Variants in RBFOX1 observed in about 807,000 individuals in gnomAD.
RBFOX1 encodes RNA binding protein fox-1 homolog 1.
In RBFOX1, 8 loss-of-function variants were observed where a neutral mutation model predicts 57.7. That is an observed-to-expected ratio of 0.14 (90% CI 0.08 to 0.25). The LOEUF (loss-of-function observed/expected upper bound fraction) is 0.25, where lower values mean the gene tolerates loss of function less well. Among genes scored for constraint, RBFOX1 ranks in the 10% least tolerant of loss-of-function variants. The pLI, the probability that RBFOX1 is intolerant of heterozygous loss-of-function variation, is 1.00. For missense variants in RBFOX1, 611 were observed against 548.5 expected (o/e 1.11, Z -1.14); for synonymous variants, 326 against 222.4 (o/e 1.47, Z -4.15).
chr16:7,543,951 C>T (rs540983012), intron 5 of RBFOX1, among the ~76,000 whole-genome samples: 2 of 152,162 alleles, frequency 1.3e-5, no homozygotes, highest in Non-Finnish European at 2.9e-5. Context: ...GATCTCCTAA[C>T]TTCATGACCC....
At chr16:6,843,564 C>A (rs1192179001) in intron 3 of RBFOX1, among the ~76,000 whole-genome samples, 2 of 152,046 alleles carry the variant, frequency 1.3e-5, no homozygotes, top group Non-Finnish European at 2.9e-5. Context: ...TGGCGGGCAC[C>A]TGTAGTCCCA....
chr16:5,798,924 G>A (rs891577128), intron 3 of RBFOX1, among the ~76,000 whole-genome samples: 1 of 152,036 alleles, frequency 6.6e-6, no homozygotes, highest in Non-Finnish European at 1.5e-5. Flanking sequence ...TTCAGCTCCA[G>A]TTCTGCCACT....
chr16:7,684,681 A>T (rs1277080859), intron 14 of RBFOX1, among the ~76,000 whole-genome samples: 2 of 151,612 alleles, frequency 1.3e-5, no homozygotes, highest in South Asian at 4.1e-4. Flanking sequence ...CTTGCCTTTC[A>T]TGGTTTCAAT....
chr16:5,663,415 G>A (rs2049723060), intron 3 of RBFOX1, among the ~76,000 whole-genome samples: 1 of 151,364 alleles, frequency 6.6e-6, no homozygotes, highest in African/African-American at 2.4e-5. Context: ...ATGTTGGCCA[G>A]GCTGTCCTCA....
chr16:7,157,079 C>G (rs890795765), intron 4 of RBFOX1, among the ~76,000 whole-genome samples: 10 of 152,150 alleles, frequency 6.6e-5, no homozygotes, highest in African/African-American at 2.4e-4. Context: ...GATTATGCTA[C>G]TAAATATTCA....
intron 3 of RBFOX1, among the ~76,000 whole-genome samples, chr16:6,767,932 T>TAAGAAGAAGAAGAAGAAGAAG (rs1247016398): frequency 2.1e-5 from 2 of 94,906 alleles, no homozygotes; most frequent in African/African-American, 1.1e-4. Context: ...ATAATAATAA[T>TAAGAAGAAGAAGAAGAAGAAG]AATAATAATA....
chr16:5,860,263 A>G (rs573375485), intron 3 of RBFOX1, among the ~76,000 whole-genome samples: 4 of 152,140 alleles, frequency 2.6e-5, no homozygotes, highest in South Asian at 2.1e-4. Context: ...TTGTATTTTT[A>G]GCAGAGAAGG....
chr16:6,431,898 TTTC>T (rs1567257999), intron 2 of RBFOX1, among the ~76,000 whole-genome samples: 70 of 47,664 alleles, frequency 1.5e-3, no homozygotes, highest in African/African-American at 5.0e-3. Context: ...GCTTGCTTGC[TTTC>T]TTTCTTTCTT....
intron 4 of RBFOX1, among the ~76,000 whole-genome samples, chr16:5,937,789 A>T (rs1463603807): frequency 2.0e-5 from 3 of 149,450 alleles, no homozygotes; most frequent in Non-Finnish European, 4.4e-5. Flanking sequence ...TATATATAAA[A>T]TATATACCTA....
chr16:6,054,492 A>G (rs947249899), intron 1 of RBFOX1, among the ~76,000 whole-genome samples: 1 of 152,160 alleles, frequency 6.6e-6, no homozygotes, highest in African/African-American at 2.4e-5. Context: ...TTTGAGAGTA[A>G]ATGCGAAGTA....
chr16:5,976,000 C>T (rs556455500), intron 4 of RBFOX1, among the ~76,000 whole-genome samples: 28 of 151,882 alleles, frequency 1.8e-4, no homozygotes, highest in African/African-American at 6.3e-4. Context: ...AAAAATTAGC[C>T]GGATGTGGTG....
intron 3 of RBFOX1, among the ~76,000 whole-genome samples, chr16:6,895,960 C>T (rs941195273): frequency 6.6e-6 from 1 of 151,594 alleles, no homozygotes; most frequent in Non-Finnish European, 1.5e-5. Flanking sequence ...TTGTGGGGTA[C>T]CAAAGATGTT....
chr16:5,294,835 T>C (rs912748998), intron 1 of RBFOX1, among the ~76,000 whole-genome samples: 2 of 151,340 alleles, frequency 1.3e-5, no homozygotes, highest in African/African-American at 4.8e-5. Context: ...TTTCAAGATC[T>C]GCCTGGCCAA....
chr16:6,679,257 G>A (rs148276852), intron 3 of RBFOX1, among the ~76,000 whole-genome samples: 53 of 152,070 alleles, frequency 3.5e-4, no homozygotes, highest in African/African-American at 1.1e-3. Flanking sequence ...TTACTGACAC[G>A]TAAAAAAGTG....
At position 7,709,111 on chromosome 16, in the gene RBFOX1, A is replaced by C. The variant is rs1190230186; in HGVS notation, c.1051A>C (p.Thr351Pro). The C allele has an allele frequency of 1.2e-6, 2 of 1,612,852 alleles. No homozygotes were observed. The highest frequency in any genetic ancestry group is 1.7e-6 in the Non-Finnish European group (2 of 1,179,392). ...CCACCACGCACTTGCTCCAGCCCCC[A>C]CCTACGGCGTTGGTGCCATGGTGAG... ...PYHHALAPAPTYGVGAMNAFA... is the reference protein window; with the variant it reads ...PYHHALAPAPPYGVGAMNAFA... Residue 351 changes from threonine (T) to proline (P), a missense_variant, in exon 15 of 16, where the codon ACC (threonine) becomes CCC (proline). Physicochemically the swap from Thr to Pro is conservative, Grantham distance 38. This residue lies in a region of RBFOX1 where 267 missense variants were observed against 229.1 expected (regional missense o/e 1.17). Transcript: ENST00000550418.
chr16:6,707,282 T>G (rs1397597315), intron 3 of RBFOX1, among the ~76,000 whole-genome samples: 1 of 152,192 alleles, frequency 6.6e-6, no homozygotes, highest in Non-Finnish European at 1.5e-5. Flanking sequence ...ATCTGTGTTC[T>G]GAAAGTGAGG....
At position 6,942,336 on chromosome 16, in the gene RBFOX1, T is replaced by G. The variant is rs544411263; in HGVS notation, c.-15-109721T>G. Among the ~76,000 whole-genome samples the G allele has an allele frequency of 2.6e-5, 4 of 152,150 alleles. No individual in the cohort carries two copies. In the South Asian group the frequency reaches 8.3e-4, roughly 32 times the overall value. On this transcript the variant is annotated intron_variant, in intron 3 of 15. Transcript: ENST00000550418. ...GCACACACCACCACGCTCAGCTAAT[T>G]TTTTGATTTTTTTTTGTGACATTTT... is the stretch of plus-strand genomic sequence containing the variant.
rs1010049823 is a variant in RBFOX1, at chr16:7,246,517, A to G, written c.27+194419A>G. On this transcript the variant is annotated intron_variant, in intron 4 of 15. Coordinates refer to ENST00000550418, the MANE Select transcript of RBFOX1 (RefSeq NM_018723.4). ...CTGGCCTCTCTCCAGTCTCTCCCTT[A>G]TAACTGTACCAAACCATGGTGGCAT... is the stretch of plus-strand genomic sequence containing the variant. Among the ~76,000 whole-genome samples, 3 of 152,102 alleles carry G rather than the reference A, an allele frequency of 2.0e-5. No homozygotes were observed. The South Asian group carries it at 6.2e-4, about 32-fold the overall frequency.
At chr16:6,842,246 G>A in intron 3 of RBFOX1, among the ~76,000 whole-genome samples, 1 of 151,986 alleles carries the variant, frequency 6.6e-6, no homozygotes, top group East Asian at 1.9e-4. Flanking sequence ...CCTCTGACAT[G>A]GTATCATTCT....
Sources: allele counts gnomAD v4.1 joint callset (sites outside exome capture counted in the v4.1 genomes callset), GRCh38; gene constraint gnomAD v4.1.1; regional missense constraint gnomAD v4.1.1; transcripts MANE v1.5; gene names NCBI Gene and HGNC (gene_info 2026-07-23, HGNC 2026-07-21).